The following CACNA1H variants were observed in gnomAD, a reference collection of about 807,000 sequenced individuals.
CACNA1H encodes the protein voltage-dependent T-type calcium channel subunit alpha-1H.
A neutral mutation model predicts 192.5 loss-of-function variants in CACNA1H; 149 were observed. That is an observed-to-expected ratio of 0.77 (90% CI 0.68 to 0.89). The LOEUF (loss-of-function observed/expected upper bound fraction) is 0.89. Among genes scored for constraint, CACNA1H ranks in the 40% least tolerant of loss-of-function variants. The pLI is 0.00. For synonymous variants in CACNA1H, 2,202 were observed against 1,475.2 expected, an observed-to-expected ratio of 1.49 and a Z score of -11.29; for missense variants, 4,257 against 3,423.5, an observed-to-expected ratio of 1.24 and a Z score of -6.08.
chr16:1,194,869 G>GCA (rs984101849), intron 2 of CACNA1H, 103 bp from the exon 3 acceptor site: 3 of 827,032 alleles, frequency 3.6e-6, no homozygotes, highest in African/African-American at 3.3e-5. Context: ...CCCCACGCGC[G>GCA]CACACCCGTG....
chr16:1,203,328 C>A (rs77338319), intron 9 of CACNA1H, among the ~76,000 whole-genome samples: 1 of 152,148 alleles, frequency 6.6e-6, no homozygotes, highest in Non-Finnish European at 1.5e-5. Flanking sequence ...TTGCTCGCAT[C>A]GAGTCAAACA....
chr16:1,218,472 AGG>A lies in CACNA1H; in HGVS notation c.5709_5710del (p.Pro1906GlyfsTer123). The A allele has an allele frequency of 6.4e-7, 1 of 1,551,754 alleles. No homozygotes were observed. Among genetic ancestry groups the A allele is most frequent in the East Asian group, 2.4e-5 (1 of 40,994 alleles). On this transcript the variant is annotated frameshift_variant, in exon 33 of 35. Transcript: ENST00000348261. LOFTEE classifies it high-confidence loss of function. ...GACGCGGACAGGCCTCCCTTGCCCC[AGG>A]AGAGTCCGGGCGCCAGGGACGCCCC...
intron 6 of CACNA1H, among the ~76,000 whole-genome samples, chr16:1,199,667 C>T (rs889833889): frequency 2.7e-5 from 4 of 149,826 alleles, no homozygotes; most frequent in Non-Finnish European, 4.5e-5. Flanking sequence ...TCCCCTCAAC[C>T]CTCACCCCGG....
Position 1,211,953 on chromosome 16 carries a change from A to G in CACNA1H, c.4574A>G (p.Gln1525Arg), listed in dbSNP as rs1259749248. ...ACCGCCTCTGTGCCACAGCCTGTGC[A>G]GAACCACAACCCCTGGATGCTGCTG... ...DAVGVDQQPV[Q>R]NHNPWMLLYF... Residue 1525 changes from glutamine (Q) to arginine (R), a missense_variant, in exon 25 of 35, where the codon CAG (glutamine) becomes CGG (arginine). Transcript: ENST00000348261. 6.2e-7 allele frequency: 1 copy of G among 1,613,424 alleles called. No homozygotes were observed. The highest frequency in any genetic ancestry group is 8.5e-7 in the Non-Finnish European group (1 of 1,179,660).
chr16:1,215,932 G>T (rs2141380189), intron 30 of CACNA1H, among the ~76,000 whole-genome samples: 1 of 152,190 alleles, frequency 6.6e-6, no homozygotes, highest in Admixed American at 6.5e-5. Flanking sequence ...ATACACCCAG[G>T]ATGCAGGCGT....
intron 2 of CACNA1H, among the ~76,000 whole-genome samples, chr16:1,155,858 G>C (rs568183300): frequency 3.2e-4 from 49 of 152,256 alleles, no homozygotes; most frequent in African/African-American, 1.1e-3. Flanking sequence ...AGGAGGGCTG[G>C]GGCCAGCGGC....
intron 2 of CACNA1H, among the ~76,000 whole-genome samples, chr16:1,163,857 C>T (rs916341562): frequency 6.6e-6 from 1 of 152,154 alleles, no homozygotes; most frequent in African/African-American, 2.4e-5. Flanking sequence ...GAAGCCTGGT[C>T]GTTGTGATGA....
intron 22 of CACNA1H, 41 bp from the exon 23 acceptor site, chr16:1,211,440 C>T (rs1346097078): frequency 6.2e-6 from 10 of 1,611,328 alleles, no homozygotes; most frequent in Non-Finnish European, 8.5e-6. Flanking sequence ...TGGGGTGGGG[C>T]ACAGGCCAGG....
Position 1,220,480 on chromosome 16 carries a change from G to C in CACNA1H, c.6548G>C (p.Arg2183Thr). 1 of 1,546,164 alleles carries C rather than the reference G, an allele frequency of 6.5e-7. No homozygotes were observed. The highest frequency in any genetic ancestry group is 8.7e-7 in the Non-Finnish European group (1 of 1,154,856). Residue 2183 changes from arginine (R) to threonine (T), a missense_variant, in exon 35 of 35, where the codon AGA becomes ACA. Physicochemically the swap from Arg to Thr is moderately conservative, Grantham distance 71. Transcript: ENST00000348261. ...GCCGAGCCCGCTCTGGGTGCGCGCAGAAAGAAGAAGATGAGCCCCCCCTGC... is the reference window on the plus strand; with the variant it reads ...GCCGAGCCCGCTCTGGGTGCGCGCACAAAGAAGAAGATGAGCCCCCCCTGC... ...PEAEPALGAR[R>T]KKKMSPPCIS... is the part of the protein sequence containing the mutation.
chr16:1,170,025 C>T (rs570212733), intron 2 of CACNA1H, among the ~76,000 whole-genome samples: 27 of 152,344 alleles, frequency 1.8e-4, no homozygotes, highest in African/African-American at 6.0e-4. Context: ...GCTCAAGTCC[C>T]GGTGGGAAGA....
intron 2 of CACNA1H, among the ~76,000 whole-genome samples, chr16:1,189,713 G>C (rs559710972): frequency 6.6e-6 from 1 of 152,132 alleles, no homozygotes; most frequent in South Asian, 2.1e-4. Context: ...GTGAACCACC[G>C]GGCCCAGCCT....
chr16:1,198,851 C>A, intron 6 of CACNA1H, 77 bp downstream of exon 6: 1 of 1,402,126 alleles, frequency 7.1e-7, no homozygotes, highest in Non-Finnish European at 9.7e-7. Flanking sequence ...CATGTGGCTC[C>A]ACCGCCCCAC....
chr16:1,213,732 GCGCCGGGCGGCCCTCCTGCCCGGCGCT>G, intron 26 of CACNA1H, 21 bp from the exon 27 acceptor site: 1 of 1,438,582 alleles, frequency 7.0e-7, no homozygotes, highest in Non-Finnish European at 9.1e-7. Context: ...GGAGCCAGGA[GCGCCGGGCGGCCCTCCTGCCCGGCGCT>G]CATGGCCGCC....
chr16:1,210,635 C>T lies in CACNA1H; in HGVS notation c.4022C>T (p.Ala1341Val), dbSNP rs371030255. ...SNYIFTAIFV[A>V]EMMVKVVALG... is the part of the protein sequence containing the mutation. ...TACATCTTCACGGCCATCTTCGTGGCGGAGATGATGGTGAAGGTACCGCGG... is the reference window on the plus strand; with the variant it reads ...TACATCTTCACGGCCATCTTCGTGGTGGAGATGATGGTGAAGGTACCGCGG... The change falls in exon 20 of 35, where the codon GCG (alanine) becomes GTG (valine). Residue 1341 changes from alanine (A) to valine (V), a missense_variant. By Grantham distance (64) the Ala-to-Val change is moderately conservative (BLOSUM62 0). Transcript: ENST00000348261. 1.3e-5 allele frequency: 21 copies of T among 1,605,402 alleles called. No individual in the cohort carries two copies. The highest frequency in any genetic ancestry group is 6.7e-5 in the Admixed American group (4 of 59,960).
rs752978426 is a variant in CACNA1H, at chr16:1,195,477, A to G, written c.457A>G (p.Ile153Val). 2.5e-6 allele frequency: 4 copies of G among 1,583,710 alleles called. No homozygotes were observed. Among genetic ancestry groups the G allele is most frequent in the Admixed American group, 1.8e-5 (1 of 55,096 alleles). Residue 153 changes from isoleucine (I) to valine (V), a missense_variant, in exon 4 of 35, where the codon ATC becomes GTC. Physicochemically the swap from Ile to Val is conservative, Grantham distance 29. Transcript: ENST00000348261. ...IFAFFAVEMVIKMVALGLFGQ... is the reference protein window; with the variant it reads ...IFAFFAVEMVVKMVALGLFGQ... ...CGCCTTTTTTGCGGTGGAGATGGTC[A>G]TCAAGATGGTGGCCTTGGGGCTGTT...
chr16:1,220,383 G>C lies in CACNA1H; in HGVS notation c.6451G>C (p.Asp2151His), dbSNP rs751358909. ...CTTCCTGGACAAGCCGGGCCGGGCA[G>C]ACGAGCAGTGGCGGCCCTCGGCGGA... ...QGFLDKPGRA[D>H]EQWRPSAELG... Residue 2151 changes from aspartate (D) to histidine (H), a missense_variant, in exon 35 of 35, where the codon GAC (aspartate) becomes CAC (histidine). Transcript: ENST00000348261. 2 of 1,524,316 alleles carry C rather than the reference G, an allele frequency of 1.3e-6. No homozygotes were observed. The highest frequency in any genetic ancestry group is 1.7e-6 in the Non-Finnish European group (2 of 1,144,480). The allele number at this position is 1,524,316 out of a possible 1,614,324, so 94.4% of individuals were successfully genotyped here.
At chr16:1,158,077 C>T (rs1006512073) in intron 2 of CACNA1H, 2 of 152,294 alleles carry the variant, frequency 1.3e-5, no homozygotes, top group African/African-American at 4.8e-5. Context: ...CTGAAGCCAC[C>T]GACTGGCATT....
At chr16:1,164,019 C>T (rs960423387) in intron 2 of CACNA1H, among the ~76,000 whole-genome samples, 4 of 152,164 alleles carry the variant, frequency 2.6e-5, no homozygotes, top group South Asian at 2.1e-4. Context: ...CCGATGGGTG[C>T]GGCCTGTTGG....
chr16:1,164,513 C>T (rs1344796302), intron 2 of CACNA1H, among the ~76,000 whole-genome samples: 2 of 152,194 alleles, frequency 1.3e-5, no homozygotes, highest in Non-Finnish European at 2.9e-5. Context: ...TCTGTTCTCT[C>T]AGCCTGATAA....
Sources: gnomAD v4.1 joint callset for allele counts (sites outside exome capture counted in the v4.1 genomes callset) on GRCh38, gnomAD v4.1.1 for gene constraint, MANE v1.5 for transcripts, NCBI Gene and HGNC (gene_info 2026-07-23, HGNC 2026-07-21) for gene names.